Variants in COL2A1 observed in about 807,000 individuals in gnomAD.
COL2A1 encodes the protein collagen alpha-1(II) chain.
In COL2A1, 28 loss-of-function variants were observed where a neutral mutation model predicts 204.5. That is an observed-to-expected ratio of 0.14 (90% CI 0.10 to 0.19). The LOEUF is 0.19. Among genes scored for constraint, COL2A1 ranks in the 10% least tolerant of loss-of-function variants. COL2A1 has a pLI of 1.00. For missense variants in COL2A1, 1,388 were observed against 2,027.5 expected (o/e 0.68, Z 6.06); for synonymous variants, 708 against 718.7 (o/e 0.99, Z 0.24).
At chr12:47,986,783 T>C in intron 22 of COL2A1, 52 bp downstream of exon 22, 1 of 1,589,904 alleles carries the variant, frequency 6.3e-7, no homozygotes, top group Non-Finnish European at 8.6e-7. Context: ...CTGAGGCCTG[T>C]GCCTCATAGA....
At position 47,986,908 on chromosome 12, in the gene COL2A1, C is replaced by G. The variant is rs754731155; in HGVS notation, c.1366-20G>C. The G allele has an allele frequency of 6.2e-7, 1 of 1,614,054 alleles. No individual in the cohort carries two copies. The highest frequency in any genetic ancestry group is 8.5e-7 in the Non-Finnish European group (1 of 1,179,938). Reference sequence around the variant, plus strand: ...TTCACCCTTGAAAAGAGAGGCAGGTCCTCACACCAGATTCTCTCCAGGGAG... The same window carrying G: ...TTCACCCTTGAAAAGAGAGGCAGGTGCTCACACCAGATTCTCTCCAGGGAG... On this transcript the variant is annotated intron_variant, in intron 21 of 53. Transcript: ENST00000380518.
intron 15 of COL2A1, 75 bp downstream of exon 15, chr12:47,993,383 A>C: frequency 8.7e-7 from 1 of 1,144,408 alleles, no homozygotes; most frequent in South Asian, 1.2e-5. Context: ...AACTTTGCAC[A>C]AAGGGAGCTC....
chr12:48,002,989 G>A (rs1940305670), intron 1 of COL2A1: 1 of 152,260 alleles, frequency 6.6e-6, no homozygotes. Flanking sequence ...CTCGAAGGCA[G>A]AGAACTTTTA....
At chr12:47,990,487 C>T (rs897270447) in intron 16 of COL2A1, among the ~76,000 whole-genome samples, 4 of 152,190 alleles carry the variant, frequency 2.6e-5, no homozygotes, top group African/African-American at 4.8e-5. Context: ...CAGGGGGAAG[C>T]GCTTTCAAGG....
At chr12:47,994,208 C>T (rs545559490) in intron 12 of COL2A1, among the ~76,000 whole-genome samples, 161 bp from the exon 13 acceptor site, 16 of 152,342 alleles carry the variant, frequency 1.1e-4, no homozygotes, top group South Asian at 2.1e-4. Context: ...CACCCCTCCC[C>T]GTACCCCCCA....
Position 47,979,539 on chromosome 12 carries a change from G to T in COL2A1, c.2705C>A (p.Ala902Asp), listed in dbSNP as rs1213623474. Residue 902 changes from alanine to aspartate, a missense_variant, in exon 41 of 54, where the codon GCT becomes GAT. By Grantham distance (126) the Ala-to-Asp change is moderately radical. Coordinates refer to ENST00000380518, the MANE Select transcript of COL2A1 (RefSeq NM_001844.5). Reference sequence around the variant, plus strand: ...GGAGCCTGGGGGTCCAACGCGGCCAGCAGCTCCAGGGAATCCAGTGGCTCC... The same window carrying T: ...GGAGCCTGGGGGTCCAACGCGGCCATCAGCTCCAGGGAATCCAGTGGCTCC... ...PPGATGFPGA[A>D]GRVGPPGSNG... The T allele has an allele frequency of 1.2e-6, 2 of 1,613,448 alleles. No individual in the cohort carries two copies. Among genetic ancestry groups the T allele is most frequent in the African/African-American group, 1.3e-5 (1 of 74,964 alleles).
At position 47,976,729 on chromosome 12, in the gene COL2A1, G is replaced by C. The variant is rs2136517622; in HGVS notation, c.3435+83C>G. 7.0e-7 allele frequency: 1 copy of C among 1,425,894 alleles called. No homozygotes were observed. The highest frequency in any genetic ancestry group is 9.8e-7 in the Non-Finnish European group (1 of 1,023,474). The allele number at this position is 1,425,894 out of a possible 1,614,324, so 88.3% of individuals were successfully genotyped here. ...TAGAAACTGCTTAGGGTGATCCCAAGCTGTCCTGGCAGCACAGGGAGCTCA... is the reference window on the plus strand; with the variant it reads ...TAGAAACTGCTTAGGGTGATCCCAACCTGTCCTGGCAGCACAGGGAGCTCA... On this transcript the variant is annotated intron_variant, in intron 48 of 53. Transcript: ENST00000380518. The surrounding 1 kb of genome is among the most constrained non-coding windows in gnomAD (Gnocchi z 4.3).
At chr12:48,004,851 G>A (rs994586337), upstream of COL2A1, among the ~76,000 whole-genome samples, 3 of 152,232 alleles carry the variant, frequency 2.0e-5, no homozygotes, top group Non-Finnish European at 4.4e-5. Flanking sequence ...CAGAGGCGCA[G>A]GCCGAGAGCC....
intron 18 of COL2A1, among the ~76,000 whole-genome samples, chr12:47,988,629 G>T (rs1415953692): frequency 6.6e-6 from 1 of 152,236 alleles, no homozygotes; most frequent in Non-Finnish European, 1.5e-5. Flanking sequence ...TGATGCCAGT[G>T]ACACATGGAG....
At chr12:47,995,343 A>G (rs758199149) in intron 10 of COL2A1, 35 bp from the exon 11 acceptor site, 2 of 1,577,364 alleles carry the variant, frequency 1.3e-6, no homozygotes, top group South Asian at 2.2e-5. Context: ...AGAGATGGTT[A>G]TAGTGGGAAG....
rs563834065 is a variant in COL2A1, at chr12:47,979,733, G to A, written c.2680-169C>T. Among the ~76,000 whole-genome samples, 263 of 152,320 alleles carry A rather than the reference G, an allele frequency of 1.7e-3. 1 individual carries two copies. The highest frequency in any genetic ancestry group is 2.9e-3 in the Non-Finnish European group (196 of 68,010). Reference sequence around the variant, plus strand: ...GAAAGGGCCCCCGGGTCTGGTCATAGAAGCAGGCACAGGCTGTTTCCCTGC... The same window carrying A: ...GAAAGGGCCCCCGGGTCTGGTCATAAAAGCAGGCACAGGCTGTTTCCCTGC... On this transcript the variant is annotated intron_variant, in intron 40 of 53. Coordinates refer to ENST00000380518, the MANE Select transcript of COL2A1 (RefSeq NM_001844.5).
At chr12:47,989,869 C>A in intron 16 of COL2A1, 64 bp from the exon 17 acceptor site, 2 of 1,496,816 alleles carry the variant, frequency 1.3e-6, no homozygotes, top group African/African-American at 1.4e-5. Context: ...CTGCTCCCAG[C>A]CCACCCTTAC....
rs369684691 is a variant in COL2A1 at position 47,980,009 on chromosome 12, C to G, written c.2679G>C (p.Pro893=). The change falls in exon 40 of 54, where the codon CCG becomes CCC. Residue 893 remains proline, a splice_region_variant and synonymous_variant. Transcript: ENST00000380518. This position sits in a 1 kb window ranked among gnomAD's most constrained non-coding sequence, Gnocchi z 4.5. ...GTGGGGTGTCAGAGGCCTCACTCAC[C>G]GGGGGGCCTTGGGCACCTCGGGCTC... is the stretch of plus-strand genomic sequence containing the variant. The part of the protein sequence containing the change: ...PKGARGAQGP[P]GATGFPGAAG... 2.1e-5 allele frequency: 32 copies of G among 1,554,096 alleles called. No homozygotes were observed. In the Admixed American group the frequency reaches 4.3e-4, roughly 21 times the overall value.
In COL2A1 at chr12:47,976,450, C is replaced by T. The variant is rs879248522; in HGVS notation, c.3489+64G>A. On this transcript the variant is annotated intron_variant, in intron 49 of 53. Coordinates refer to ENST00000380518, the MANE Select transcript of COL2A1 (RefSeq NM_001844.5). This position sits in a 1 kb window ranked among gnomAD's most constrained non-coding sequence, Gnocchi z 4.3. ...CCAGAAGCAGCAGCATTTCCCTCCC[C>T]ATGGGAACACAGGCCCACACTCTCT... 1.9e-6 allele frequency: 3 copies of T among 1,560,488 alleles called. 1 individual carries two copies. Among genetic ancestry groups the T allele is most frequent in the Non-Finnish European group, 2.7e-6 (3 of 1,131,600 alleles).
Position 47,976,079 on chromosome 12 carries a change from G to C in COL2A1, c.3490-9C>G, listed in dbSNP as rs758889025. Reference sequence around the variant, plus strand: ...ACGGGGCCAGGAGGACCCTGCAAGAGAGAGAGGTCGTGAGGAAAGAGTGGT... The same window carrying C: ...ACGGGGCCAGGAGGACCCTGCAAGACAGAGAGGTCGTGAGGAAAGAGTGGT... On this transcript the variant is annotated splice_polypyrimidine_tract_variant and intron_variant, in intron 49 of 53. Coordinates refer to ENST00000380518, the MANE Select transcript of COL2A1 (RefSeq NM_001844.5). This position sits in a 1 kb window ranked among gnomAD's most constrained non-coding sequence, Gnocchi z 4.3. The C allele has an allele frequency of 1.9e-6, 3 of 1,599,976 alleles. No homozygotes were observed. The highest frequency in any genetic ancestry group is 1.3e-5 in the African/African-American group (1 of 74,674).
chr12:47,985,738 G>A lies in COL2A1; in HGVS notation c.1670C>T (p.Pro557Leu), dbSNP rs866981761. The A allele has an allele frequency of 6.2e-6, 10 of 1,613,890 alleles. No individual in the cohort carries two copies. The African/African-American group carries it at 1.2e-4, about 19-fold the overall frequency. The stretch of plus-strand genomic sequence containing the variant: ...AGCTCTGCTACTTACCCGGGCTCCA[G>A]GAAGGCCAGGTTCTCCAGGACGGCC... ...DPGRPGEPGL[P>L]GARGLTGRPG... The change falls in exon 25 of 54, where the codon CCT (proline) becomes CTT (leucine). Residue 557 changes from proline (P) to leucine (L), a missense_variant. By Grantham distance (98) the Pro-to-Leu change is moderately conservative (BLOSUM62 -3). Transcript: ENST00000380518.
chr12:47,989,739 G>A, intron 17 of COL2A1, 22 bp downstream of exon 17: 1 of 1,611,750 alleles, frequency 6.2e-7, no homozygotes, highest in East Asian at 2.2e-5. Context: ...ACAATGACCT[G>A]CTGAGGATGA....
intron 53 of COL2A1, 150 bp from the exon 54 acceptor site, chr12:47,973,703 C>T (rs1938549217): frequency 2.2e-6 from 2 of 924,852 alleles, no homozygotes; most frequent in Non-Finnish European, 3.4e-6. Flanking sequence ...CTCTTCTTGG[C>T]TTGCCAAAGG....
intron 2 of COL2A1, among the ~76,000 whole-genome samples, chr12:47,999,162 C>A (rs1463288468): frequency 6.6e-6 from 1 of 152,204 alleles, no homozygotes; most frequent in East Asian, 1.9e-4. Context: ...AAAACCTACA[C>A]AAGCGTCCCC....
Sources: allele counts gnomAD v4.1 joint callset (sites outside exome capture counted in the v4.1 genomes callset), GRCh38; gene constraint gnomAD v4.1.1; non-coding constraint Gnocchi (gnomAD v3.1); transcripts MANE v1.5; gene names NCBI Gene and HGNC (gene_info 2026-07-23, HGNC 2026-07-21).